Variants in SCG5 observed in about 807,000 individuals in gnomAD.
SCG5 encodes the protein secretogranin V.
In SCG5, 18 loss-of-function variants were observed where a neutral mutation model predicts 25.7. That is an observed-to-expected ratio of 0.70 (90% confidence interval 0.48 to 1.04). The LOEUF (loss-of-function observed/expected upper bound fraction) is 1.04, where lower values mean the gene tolerates loss of function less well. Ranked by LOEUF, SCG5 falls within the 50% of genes least tolerant of loss-of-function variation. The pLI, the probability that SCG5 is intolerant of heterozygous loss-of-function variation, is 0.00. For synonymous variants in SCG5, 101 were observed against 91.7 expected, an observed-to-expected ratio of 1.10 and a Z score of -0.58; for missense variants, 206 against 259.8, an observed-to-expected ratio of 0.79 and a Z score of 1.42.
chr15:32,650,136 G>T, intron 2 of SCG5, among the ~76,000 whole-genome samples: 1 of 151,946 alleles, frequency 6.6e-6, no homozygotes, highest in East Asian at 1.9e-4. Context: ...TTGCTCTTTC[G>T]CCCAGGCTGG....
At chr15:32,660,759 C>T (rs796067840) in intron 2 of SCG5, among the ~76,000 whole-genome samples, 2 of 152,358 alleles carry the variant, frequency 1.3e-5, no homozygotes, top group African/African-American at 4.8e-5. Flanking sequence ...ACCTCGATTA[C>T]CCCTAGTACT....
chr15:32,644,047 G>C (rs1315058391), intron 2 of SCG5, among the ~76,000 whole-genome samples: 1 of 152,176 alleles, frequency 6.6e-6, no homozygotes, highest in East Asian at 1.9e-4. Flanking sequence ...AGTCCTGTGA[G>C]AGCAGGGACC....
chr15:32,650,439 CA>C (rs1467453012), intron 2 of SCG5, among the ~76,000 whole-genome samples: 12 of 152,230 alleles, frequency 7.9e-5, no homozygotes, highest in African/African-American at 2.9e-4. Flanking sequence ...GTTAGCAATA[CA>C]GTTCAGATAT....
intron 2 of SCG5, among the ~76,000 whole-genome samples, chr15:32,649,721 G>A (rs1293387338): frequency 6.7e-6 from 1 of 149,896 alleles, no homozygotes; most frequent in Non-Finnish European, 1.5e-5. Context: ...TCTTTCAAAT[G>A]TGTAAATTCT....
Position 32,696,620 on chromosome 15 carries a change from C to G in SCG5, c.*11C>G, listed in dbSNP as rs774967539. The stretch of plus-strand genomic sequence containing the variant: ...AAGGATCCAGAGTAAAGAGAAGATG[C>G]TAGACGAAAACCCACATTACCTGTT... On this transcript the variant is annotated 3_prime_UTR_variant, in exon 6 of 6. Coordinates refer to ENST00000300175, the MANE Select transcript of SCG5 (RefSeq NM_001144757.3). 36 of 1,591,584 alleles carry G rather than the reference C, an allele frequency of 2.3e-5. No homozygotes were observed. In the South Asian group the frequency reaches 4.0e-4, roughly 18 times the overall value.
chr15:32,642,281 GCGCCGGTCCTGGTGGCTCA>G (rs1206210994), intron 1 of SCG5, among the ~76,000 whole-genome samples: 2 of 151,968 alleles, frequency 1.3e-5, no homozygotes, highest in African/African-American at 4.8e-5. Flanking sequence ...AGGAGGGTTT[GCGCCGGTCCTGGTGGCTCA>G]CGCCTGTAAT....
At chr15:32,644,114 A>G (rs2053908279) in intron 2 of SCG5, among the ~76,000 whole-genome samples, 1 of 152,222 alleles carries the variant, frequency 6.6e-6, no homozygotes, top group Non-Finnish European at 1.5e-5. Flanking sequence ...CTGGTACATA[A>G]TAGGTGCTCA....
chr15:32,656,316 C>T (rs143115486), intron 2 of SCG5: 1 of 152,140 alleles, frequency 6.6e-6, no homozygotes, highest in East Asian at 1.9e-4. Flanking sequence ...TGTGCTGAGT[C>T]GCCAGGGAAG....
In SCG5 at chr15:32,663,075, ATAT is replaced by A. The variant is rs1567076518; in HGVS notation, c.227-16690_227-16688del. On this transcript the variant is annotated intron_variant, in intron 2 of 5. Transcript: ENST00000300175. ...TATATATATATATATATATATATAT[ATAT>A]AATATATAATATGTTATATATACAC... is the stretch of plus-strand genomic sequence containing the variant. Among the ~76,000 whole-genome samples, 228 of 57,042 alleles carry A rather than the reference ATAT, an allele frequency of 4.0e-3. 3 individuals carry two copies. Among genetic ancestry groups the A allele is most frequent in the African/African-American group, 9.9e-3 (178 of 17,896 alleles). 37.4% of individuals were successfully genotyped at this position (57,042 alleles called of 152,430 possible). A position where few individuals can be genotyped will look rare whatever the true frequency, so the allele number is the denominator to read the frequency against.
intron 2 of SCG5, among the ~76,000 whole-genome samples, chr15:32,671,402 G>A (rs1187548512): frequency 6.6e-6 from 1 of 152,184 alleles, no homozygotes; most frequent in Non-Finnish European, 1.5e-5. Context: ...GATGGAGGAA[G>A]CAGAAACTGG....
At chr15:32,676,546 C>T (rs991149892) in intron 2 of SCG5, among the ~76,000 whole-genome samples, 4 of 152,128 alleles carry the variant, frequency 2.6e-5, no homozygotes, top group Non-Finnish European at 5.9e-5. Context: ...TTATATAAAG[C>T]TTCAAATATA....
intron 2 of SCG5, chr15:32,673,236 A>G (rs1227826190): frequency 6.6e-6 from 1 of 152,366 alleles, no homozygotes; most frequent in East Asian, 1.9e-4. Flanking sequence ...CTACAACGGC[A>G]GTGACAGCTC....
chr15:32,690,440 C>T (rs559969382), intron 4 of SCG5, among the ~76,000 whole-genome samples: 1 of 152,250 alleles, frequency 6.6e-6, no homozygotes, highest in Non-Finnish European at 1.5e-5. Context: ...ATGAGCCTCA[C>T]AGCAATATCC....
intron 4 of SCG5, among the ~76,000 whole-genome samples, chr15:32,685,833 T>G (rs1229409776): frequency 6.6e-6 from 1 of 152,248 alleles, no homozygotes; most frequent in Non-Finnish European, 1.5e-5. Context: ...AGTGAGTGAA[T>G]GAGCAAATAT....
At chr15:32,655,830 C>T (rs2054108644) in intron 2 of SCG5, among the ~76,000 whole-genome samples, 1 of 152,204 alleles carries the variant, frequency 6.6e-6, no homozygotes, top group African/African-American at 2.4e-5. Flanking sequence ...TAATCTTGGA[C>T]TTCCCAGCCC....
chr15:32,680,663 C>G (rs1054401560), intron 3 of SCG5, among the ~76,000 whole-genome samples: 1 of 152,152 alleles, frequency 6.6e-6, no homozygotes, highest in Non-Finnish European at 1.5e-5. Flanking sequence ...CAGTGTCATG[C>G]ATCAACACCG....
chr15:32,641,962 G>T (rs543578493), intron 1 of SCG5, among the ~76,000 whole-genome samples, 184 bp downstream of exon 1: 2 of 152,138 alleles, frequency 1.3e-5, no homozygotes, highest in African/African-American at 2.4e-5. Context: ...AGGAGATTGT[G>T]TAGTTCATCA....
At chr15:32,642,563 C>G (rs1037607250) in intron 1 of SCG5, among the ~76,000 whole-genome samples, 1 of 113,128 alleles carries the variant, frequency 8.8e-6, no homozygotes. Flanking sequence ...AGTGAAACTC[C>G]GTCTCAAAAA....
intron 4 of SCG5, among the ~76,000 whole-genome samples, chr15:32,685,623 C>T (rs771214606): frequency 1.3e-5 from 2 of 152,000 alleles, no homozygotes; most frequent in Non-Finnish European, 2.9e-5. Context: ...GAAGAGATAC[C>T]ATCAGATGAC....
Sources: gnomAD v4.1 joint callset for allele counts (sites outside exome capture counted in the v4.1 genomes callset) on GRCh38, gnomAD v4.1.1 for gene constraint, MANE v1.5 for transcripts, NCBI Gene and HGNC (gene_info 2026-07-23, HGNC 2026-07-21) for gene names.